GALNT17: variants seen among roughly 807,000 people sequenced by gnomAD.
GALNT17 encodes polypeptide N-acetylgalactosaminyltransferase 17.
GALNT17 carries 29 observed loss-of-function variants against 63.7 expected under a neutral mutation model. That is an observed-to-expected ratio of 0.46 (90% CI 0.34 to 0.62). The LOEUF is 0.62. GALNT17 is among the 20% of genes least tolerant of loss of function. GALNT17 has a pLI of 0.01. For synonymous variants in GALNT17, 305 were observed against 318.3 expected, an observed-to-expected ratio of 0.96 and a Z score of 0.45; for missense variants, 603 against 799.6, an observed-to-expected ratio of 0.75 and a Z score of 2.97.
chr7:71,136,712 T>C (rs1490214957), intron 1 of GALNT17, among the ~76,000 whole-genome samples: 2 of 152,106 alleles, frequency 1.3e-5, no homozygotes. Flanking sequence ...GTTGAGTTCC[T>C]GACCTCAAGT....
intron 6 of GALNT17, among the ~76,000 whole-genome samples, chr7:71,650,711 A>G (rs1790741667): frequency 6.6e-6 from 1 of 152,220 alleles, no homozygotes; most frequent in South Asian, 2.1e-4. Context: ...CTTTAATCCC[A>G]GGCAAAATGC....
intron 1 of GALNT17, among the ~76,000 whole-genome samples, chr7:71,329,953 G>A (rs1392474991): frequency 6.6e-5 from 10 of 150,478 alleles, no homozygotes; most frequent in East Asian, 2.0e-4. Context: ...ACACATATGT[G>A]TGTGTGTATA....
At chr7:71,605,144 C>T (rs970424138) in intron 6 of GALNT17, among the ~76,000 whole-genome samples, 1 of 151,796 alleles carries the variant, frequency 6.6e-6, no homozygotes, top group East Asian at 1.9e-4. Context: ...ACATTCTTCA[C>T]CCTCAAACTT....
intron 1 of GALNT17, among the ~76,000 whole-genome samples, chr7:71,236,216 C>T (rs1031405276): frequency 6.6e-6 from 1 of 151,852 alleles, no homozygotes; most frequent in Admixed American, 6.6e-5. Context: ...TAAAAATCTA[C>T]TCTCTTAGGA....
chr7:71,543,832 G>GC lies in GALNT17; in HGVS notation c.963-27450dup, dbSNP rs1244468287. Among the ~76,000 whole-genome samples, 3 of 133,852 alleles carry GC rather than the reference G, an allele frequency of 2.2e-5. No homozygotes were observed. In the East Asian group the frequency reaches 6.3e-4, roughly 28 times the overall value. 87.8% of individuals were successfully genotyped at this position (133,852 alleles called of 152,430 possible). ...TTTTGAGATGGAGTCTTGTTCTGTT[G>GC]CCCAGGCTAGAGTGCAGTGGCATGA... is the stretch of plus-strand genomic sequence containing the variant. On this transcript the variant is annotated intron_variant, in intron 5 of 10. Coordinates refer to ENST00000333538, the MANE Select transcript of GALNT17 (RefSeq NM_022479.3).
chr7:71,340,189 A>G (rs1019170891), intron 2 of GALNT17, among the ~76,000 whole-genome samples: 2 of 152,200 alleles, frequency 1.3e-5, no homozygotes, highest in African/African-American at 4.8e-5. Flanking sequence ...AGGGATGGTT[A>G]GCAGTTATGT....
intron 1 of GALNT17, among the ~76,000 whole-genome samples, chr7:71,156,689 CCT>C (rs1238751496): frequency 1.5e-5 from 2 of 136,774 alleles, no homozygotes; most frequent in Middle Eastern, 3.3e-3. Context: ...TCCCTTCCTT[CCT>C]CTCTGTCTCT....
At chr7:71,520,102 T>G (rs1447424857) in intron 5 of GALNT17, among the ~76,000 whole-genome samples, 1 of 152,188 alleles carries the variant, frequency 6.6e-6, no homozygotes, top group Non-Finnish European at 1.5e-5. Context: ...GAGACCTCCA[T>G]ACAGATATGT....
intron 2 of GALNT17, among the ~76,000 whole-genome samples, chr7:71,360,888 A>G (rs1052688292): frequency 1.3e-5 from 2 of 152,228 alleles, no homozygotes; most frequent in African/African-American, 4.8e-5. Context: ...CAGTGAGCCA[A>G]GGTCGTGGCA....
intron 1 of GALNT17, among the ~76,000 whole-genome samples, chr7:71,142,691 A>C (rs1336702720): frequency 1.3e-5 from 2 of 152,210 alleles, no homozygotes; most frequent in Non-Finnish European, 2.9e-5. Flanking sequence ...CTGTAATCCC[A>C]GCACTTTGGG....
intron 1 of GALNT17, among the ~76,000 whole-genome samples, chr7:71,291,438 A>G (rs962801962): frequency 2.0e-5 from 3 of 152,204 alleles, no homozygotes; most frequent in Non-Finnish European, 4.4e-5. Flanking sequence ...ATCCAATTCC[A>G]TGATAGCTAA....
intron 9 of GALNT17, among the ~76,000 whole-genome samples, chr7:71,679,355 G>A (rs902633494): frequency 1.3e-5 from 2 of 152,086 alleles, no homozygotes; most frequent in East Asian, 1.9e-4. Flanking sequence ...CCATGATCAT[G>A]CCACTGCACT....
chr7:71,395,933 AATTG>A (rs1793130562), intron 3 of GALNT17, among the ~76,000 whole-genome samples: 1 of 152,096 alleles, frequency 6.6e-6, no homozygotes, highest in Non-Finnish European at 1.5e-5. Context: ...CCCATTTTAA[AATTG>A]ATTATTTGAC....
chr7:71,465,816 G>T (rs1272379808), intron 5 of GALNT17, among the ~76,000 whole-genome samples: 2 of 152,214 alleles, frequency 1.3e-5, no homozygotes, highest in Non-Finnish European at 2.9e-5. Context: ...CCAAAAACAG[G>T]TTATGGTGGT....
chr7:71,471,415 CAAAAA>C (rs944823914), intron 5 of GALNT17, among the ~76,000 whole-genome samples: 1 of 127,276 alleles, frequency 7.9e-6, no homozygotes, highest in South Asian at 2.5e-4. Flanking sequence ...AAAAAAAAAA[CAAAAA>C]AAACCAAAAA....
chr7:71,377,740 C>T (rs1792771399), intron 2 of GALNT17, among the ~76,000 whole-genome samples: 1 of 152,138 alleles, frequency 6.6e-6, no homozygotes. Flanking sequence ...GTGATTGGAT[C>T]ATGGGGGCAG....
chr7:71,551,998 T>G (rs147098272), intron 5 of GALNT17, among the ~76,000 whole-genome samples: 1 of 141,612 alleles, frequency 7.1e-6, no homozygotes, highest in Non-Finnish European at 1.5e-5. Flanking sequence ...AGGTTGACTT[T>G]CAGGTTGCTC....
intron 1 of GALNT17, among the ~76,000 whole-genome samples, chr7:71,172,571 G>A (rs997849259): frequency 3.3e-5 from 5 of 152,068 alleles, no homozygotes; most frequent in Admixed American, 1.3e-4. Context: ...GTGATGTTTG[G>A]TTATCCCCAG....
Position 71,388,394 on chromosome 7 carries a change from C to G in GALNT17, c.582C>G (p.Ser194Arg), listed in dbSNP as rs769314775. Residue 194 changes from serine (S) to arginine (R), a missense_variant, in exon 3 of 11, where the codon AGC becomes AGG. Around this residue, in one of 3 missense-constraint regions of GALNT17, gnomAD observed 336 missense variants for 507.8 expected, o/e 0.66. Coordinates refer to ENST00000333538, the MANE Select transcript of GALNT17 (RefSeq NM_022479.3). ...LKEIILVDDN[S>R]DEEELKVPLE... Reference sequence around the variant, plus strand: ...AAATCATTCTGGTGGATGACAACAGCGACGAAGGTACAGGGGTGGCTGACC... The same window carrying G: ...AAATCATTCTGGTGGATGACAACAGGGACGAAGGTACAGGGGTGGCTGACC... The G allele has an allele frequency of 6.2e-7, 1 of 1,613,788 alleles. No individual in the cohort carries two copies. Among genetic ancestry groups the G allele is most frequent in the Non-Finnish European group, 8.5e-7 (1 of 1,179,854 alleles).
Sources: gnomAD v4.1 joint callset for allele counts (sites outside exome capture counted in the v4.1 genomes callset) on GRCh38, gnomAD v4.1.1 for gene constraint, gnomAD v4.1.1 regional missense constraint, MANE v1.5 for transcripts, NCBI Gene and HGNC (gene_info 2026-07-23, HGNC 2026-07-21) for gene names.